Variants in MTRF1 observed in about 807,000 individuals in gnomAD.
MTRF1 encodes the protein peptide chain release factor 1, mitochondrial.
A neutral mutation model predicts 62.9 loss-of-function variants in MTRF1; 51 were observed. That is an observed-to-expected ratio of 0.81 (90% CI 0.65 to 1.02). The LOEUF (loss-of-function observed/expected upper bound fraction) is 1.02, where lower values mean the gene tolerates loss of function less well. MTRF1 is among the 50% of genes least tolerant of loss of function. The probability of loss-of-function intolerance (pLI) is 0.00; values close to 1 mark genes in which losing one functional copy is unlikely to be tolerated. For synonymous variants in MTRF1, 158 were observed against 181.9 expected (o/e 0.87, Z 1.06); for missense variants, 446 against 530.0 (o/e 0.84, Z 1.56).
the MTRF1 span, among the ~76,000 whole-genome samples, chr13:41,273,201 C>A: frequency 1.3e-5 from 2 of 151,976 alleles, no homozygotes; most frequent in Non-Finnish European, 2.9e-5. Context: ...TGGTGGGCGC[C>A]TGTAGTCCCA....
chr13:41,216,837 A>C lies in MTRF1; in HGVS notation c.*278T>G. On this transcript the variant is annotated 3_prime_UTR_variant, in exon 10 of 10. Transcript: ENST00000379480. ...AAAAGGCATATAAAGAGAACAAGTG[A>C]CTTGTCCTAAATGACACAATCAATT... The C allele has an allele frequency of 5.0e-6, 1 of 199,498 alleles. No homozygotes were observed. The highest frequency in any genetic ancestry group is 1.0e-5 in the Non-Finnish European group (1 of 100,228). The allele number at this position is 199,498 out of a possible 1,614,324, so 12.4% of individuals were successfully genotyped here. A position where few individuals can be genotyped will look rare whatever the true frequency, so the allele number is the denominator to read the frequency against.
chr13:41,224,202 C>T (rs1459471256), intron 8 of MTRF1, among the ~76,000 whole-genome samples: 2 of 152,190 alleles, frequency 1.3e-5, no homozygotes, highest in Non-Finnish European at 2.9e-5. Flanking sequence ...ACCATTTCTG[C>T]CTTTCTGGCC....
At chr13:41,246,698 T>C (rs1018150046) in intron 5 of MTRF1, among the ~76,000 whole-genome samples, 3 of 152,180 alleles carry the variant, frequency 2.0e-5, no homozygotes, top group African/African-American at 7.2e-5. Context: ...CTATGAAAGA[T>C]TATTCAGGAA....
the MTRF1 span, among the ~76,000 whole-genome samples, chr13:41,283,675 C>T: frequency 3.0e-5 from 4 of 133,508 alleles, no homozygotes; most frequent in Non-Finnish European, 4.6e-5. Flanking sequence ...CTGCAAGCTC[C>T]GCCTCCCGGG....
At chr13:41,306,339 G>A in the MTRF1 span, among the ~76,000 whole-genome samples, 1 of 151,592 alleles carries the variant, frequency 6.6e-6, no homozygotes, top group East Asian at 1.9e-4. Context: ...AGCCGAGATC[G>A]CGCCACTGCA....
intron 6 of MTRF1, chr13:41,236,763 A>G (rs1028522880): frequency 6.6e-6 from 1 of 152,236 alleles, no homozygotes; most frequent in Non-Finnish European, 1.5e-5. Context: ...CATATGTCAC[A>G]TTCTCCCAAA....
chr13:41,251,578 T>A (rs184345151), intron 5 of MTRF1, among the ~76,000 whole-genome samples: 1 of 152,316 alleles, frequency 6.6e-6, no homozygotes, highest in East Asian at 1.9e-4. Context: ...CTCTCATGGA[T>A]AATCCCCTTT....
In MTRF1 at chr13:41,260,643, G is replaced by A. The variant is rs1320184566; in HGVS notation, c.265C>T (p.Leu89Phe). 6.2e-7 allele frequency: 1 copy of A among 1,614,180 alleles called. No homozygotes were observed. Among genetic ancestry groups the A allele is most frequent in the Admixed American group, 1.7e-5 (1 of 60,026 alleles). Residue 89 changes from leucine (L) to phenylalanine (F), a missense_variant, in exon 2 of 10, where the codon CTT becomes TTT. Coordinates refer to ENST00000379480, the MANE Select transcript of MTRF1 (RefSeq NM_004294.4). ...MENLSKEYQTLEQCLQHIPVN... is the reference protein window; with the variant it reads ...MENLSKEYQTFEQCLQHIPVN... The stretch of plus-strand genomic sequence containing the variant: ...GGGATATGCTGCAGACATTGCTCAA[G>A]TGTTTGGTACTCCTTACTCAGGTTC...
At position 41,226,473 on chromosome 13, in the gene MTRF1, C is replaced by T; in HGVS notation, c.1084G>A (p.Glu362Lys). The T allele has an allele frequency of 6.2e-7, 1 of 1,613,450 alleles. No individual in the cohort carries two copies. Among genetic ancestry groups the T allele is most frequent in the Non-Finnish European group, 8.5e-7 (1 of 1,179,908 alleles). Residue 362 changes from glutamate to lysine, a missense_variant, in exon 8 of 10, where the codon GAG (glutamate) becomes AAG (lysine). Physicochemically the swap from Glu to Lys is moderately conservative, Grantham distance 56 (BLOSUM62 1). Transcript: ENST00000379480. ...CTTTGTTGCTGACGCTTGTCTTTCT[C>T]AATAATCTGCTGGTAGAGTCTAGCT... ...LRARLYQQII[E>K]KDKRQQQSAR... is the part of the protein sequence containing the mutation.
At chr13:41,244,711 C>G (rs1206058607) in intron 5 of MTRF1, among the ~76,000 whole-genome samples, 1 of 152,098 alleles carries the variant, frequency 6.6e-6, no homozygotes, top group Non-Finnish European at 1.5e-5. Flanking sequence ...TGTGGAGAGG[C>G]CCTCGTGGTG....
upstream of MTRF1, among the ~76,000 whole-genome samples, chr13:41,266,021 T>C (rs1280509359): frequency 6.6e-6 from 1 of 152,120 alleles, no homozygotes; most frequent in East Asian, 1.9e-4. Flanking sequence ...AGCTAATTTT[T>C]GTATTTTTAG....
the MTRF1 span, among the ~76,000 whole-genome samples, chr13:41,271,773 A>G: frequency 6.6e-6 from 1 of 152,044 alleles, no homozygotes; most frequent in South Asian, 2.1e-4. Flanking sequence ...GAGGAGCAAA[A>G]GCCCTTTTTC....
chr13:41,309,839 A>G, the MTRF1 span, among the ~76,000 whole-genome samples: 1 of 152,134 alleles, frequency 6.6e-6, no homozygotes, highest in Non-Finnish European at 1.5e-5. Context: ...TCTACTAAAA[A>G]TACTAAATTA....
At chr13:41,231,257 A>G (rs144706288) in intron 7 of MTRF1, among the ~76,000 whole-genome samples, 1 of 152,352 alleles carries the variant, frequency 6.6e-6, no homozygotes, top group Admixed American at 6.5e-5. Flanking sequence ...TAAGTGCCAG[A>G]AAGGCTCAGA....
intron 3 of MTRF1, 111 bp from the exon 4 acceptor site, chr13:41,253,141 G>A (rs558781522): frequency 2.2e-5 from 17 of 774,992 alleles, no homozygotes; most frequent in Non-Finnish European, 3.3e-5. Context: ...AAATCATATA[G>A]TATCCCAAAC....
At chr13:41,241,570 A>G (rs2037503588) in intron 5 of MTRF1, among the ~76,000 whole-genome samples, 1 of 152,144 alleles carries the variant, frequency 6.6e-6, no homozygotes, top group Admixed American at 6.6e-5. Context: ...TTTCTTTATC[A>G]TAACTTCATT....
At chr13:41,236,304 T>G (rs1429493731) in intron 6 of MTRF1, 2 of 152,132 alleles carry the variant, frequency 1.3e-5, no homozygotes, top group Non-Finnish European at 2.9e-5. Flanking sequence ...TTAGTAGAGA[T>G]GGAGTTTCAC....
At chr13:41,237,723 T>C (rs975826107) in intron 6 of MTRF1, among the ~76,000 whole-genome samples, 2 of 152,162 alleles carry the variant, frequency 1.3e-5, no homozygotes, top group Non-Finnish European at 2.9e-5. Context: ...GGTCTTGAAC[T>C]CCTGACCTCA....
the MTRF1 span, among the ~76,000 whole-genome samples, chr13:41,288,843 G>A: frequency 6.6e-6 from 1 of 152,196 alleles, no homozygotes; most frequent in Non-Finnish European, 1.5e-5. Context: ...AACTCGCAGT[G>A]TCAATAATGC....
Sources: allele counts gnomAD v4.1 joint callset (sites outside exome capture counted in the v4.1 genomes callset), GRCh38; gene constraint gnomAD v4.1.1; transcripts MANE v1.5; gene names NCBI Gene and HGNC (gene_info 2026-07-23, HGNC 2026-07-21).